Variants in SNX27 observed in about 807,000 individuals in gnomAD.
SNX27 encodes the protein sorting nexin 27.
SNX27 carries 22 observed loss-of-function variants against 71.6 expected under a neutral mutation model. The observed-to-expected ratio is 0.31, with a 90% CI of 0.22 to 0.44. The LOEUF (loss-of-function observed/expected upper bound fraction) is 0.44. Ranked by LOEUF, SNX27 falls within the 20% of genes least tolerant of loss-of-function variation. The pLI is 1.00. For synonymous variants in SNX27, 269 were observed against 277.2 expected, an observed-to-expected ratio of 0.97 and a Z score of 0.29; for missense variants, 531 against 698.6, an observed-to-expected ratio of 0.76 and a Z score of 2.70.
intron 7 of SNX27, chr1:151,677,195 A>C (rs1438313596): frequency 6.6e-6 from 1 of 151,538 alleles, no homozygotes; most frequent in Non-Finnish European, 1.5e-5. Context: ...ATTTTGTTAA[A>C]TTTATAGTTT....
chr1:151,623,034 A>G (rs539217569), intron 1 of SNX27, among the ~76,000 whole-genome samples: 1 of 151,934 alleles, frequency 6.6e-6, no homozygotes, highest in Admixed American at 6.6e-5. Flanking sequence ...GTGCAGTGGT[A>G]TGATCTCAGC....
chr1:151,682,699 CGAGA>C (rs1386169246), intron 7 of SNX27, among the ~76,000 whole-genome samples: 1 of 151,996 alleles, frequency 6.6e-6, no homozygotes, highest in African/African-American at 2.4e-5. Flanking sequence ...CACAAGGTGA[CGAGA>C]GAGAGAGCAC....
At position 151,612,252 on chromosome 1, in the gene SNX27, C is replaced by G. The variant is rs1320834643; in HGVS notation, c.51C>G (p.Asn17Lys). The G allele has an allele frequency of 1.4e-5, 20 of 1,440,528 alleles. No homozygotes were observed. Among genetic ancestry groups the G allele is most frequent in the Non-Finnish European group, 1.7e-5 (19 of 1,099,854 alleles). The allele number at this position is 1,440,528 out of a possible 1,614,324, so 89.2% of individuals were successfully genotyped here. Residue 17 changes from asparagine to lysine, a missense_variant, in exon 1 of 12, where the codon AAC (asparagine) becomes AAG (lysine). Physicochemically the swap from Asn to Lys is moderately conservative, Grantham distance 94. Transcript: ENST00000458013. This position sits in a 1 kb window ranked among gnomAD's most constrained non-coding sequence, Gnocchi z 5.2. ...EGIHPSAPHRNGGGGGGGGSG... is the reference protein window; with the variant it reads ...EGIHPSAPHRKGGGGGGGGSG... ...TTCATCCCTCAGCCCCTCACAGGAA[C>G]GGAGGTGGCGGCGGCGGCGGGGGGT...
In SNX27 at chr1:151,695,107, A is replaced by C. The variant is rs1257493238; in HGVS notation, c.*690A>C. The C allele has an allele frequency of 1.3e-5, 2 of 152,458 alleles. No individual in the cohort carries two copies. The highest frequency in any genetic ancestry group is 1.9e-4 in the East Asian group (1 of 5,176). The allele number at this position is 152,458 out of a possible 1,614,324, so 9.4% of individuals were successfully genotyped here. A position where few individuals can be genotyped will look rare whatever the true frequency, so the allele number is the denominator to read the frequency against. On this transcript the variant is annotated 3_prime_UTR_variant, in exon 12 of 12. Transcript: ENST00000458013. Reference sequence around the variant, plus strand: ...GTTGCCATAGAGTCTAGGAACAAGGAGTATAGTTTCTTTATCTTCCAAGAG... The same window carrying C: ...GTTGCCATAGAGTCTAGGAACAAGGCGTATAGTTTCTTTATCTTCCAAGAG...
At chr1:151,623,986 A>C (rs377375721) in intron 1 of SNX27, among the ~76,000 whole-genome samples, 2 of 152,196 alleles carry the variant, frequency 1.3e-5, no homozygotes, top group South Asian at 4.2e-4. Flanking sequence ...TTTAGAGACA[A>C]GGTATCACTC....
At chr1:151,680,016 A>G (rs1670866440) in intron 7 of SNX27, 2 of 152,280 alleles carry the variant, frequency 1.3e-5, no homozygotes, top group East Asian at 3.9e-4. Flanking sequence ...TGTTTTTATT[A>G]GGAGCCTTTT....
intron 2 of SNX27, among the ~76,000 whole-genome samples, chr1:151,641,124 T>G (rs923960198): frequency 1.3e-5 from 2 of 152,322 alleles, no homozygotes; most frequent in South Asian, 2.1e-4. Context: ...ATGTGGGTTG[T>G]TTGCAGTTTT....
At chr1:151,636,615 A>G (rs1219235201) in intron 1 of SNX27, among the ~76,000 whole-genome samples, 2 of 150,972 alleles carry the variant, frequency 1.3e-5, no homozygotes, top group Non-Finnish European at 2.9e-5. Flanking sequence ...CCTGTATCCA[A>G]GATATTAGTA....
intron 2 of SNX27, among the ~76,000 whole-genome samples, chr1:151,641,966 T>TATATATGAG (rs1558047111): frequency 9.2e-5 from 2 of 21,732 alleles, no homozygotes; most frequent in African/African-American, 3.1e-4. Flanking sequence ...ATATATGAGA[T>TATATATGAG]ATATATATAT....
At chr1:151,694,282 G>C in intron 11 of SNX27, 88 bp from the exon 12 acceptor site, 1 of 1,534,956 alleles carries the variant, frequency 6.5e-7, no homozygotes, top group South Asian at 1.2e-5. Flanking sequence ...AGTCATCCAG[G>C]CATACCTTTT....
rs977678538 is a variant in SNX27 at position 151,695,998 on chromosome 1, A to G, written c.*1581A>G. 3 of 152,308 alleles carry G rather than the reference A, an allele frequency of 2.0e-5. No individual in the cohort carries two copies. The highest frequency in any genetic ancestry group is 4.4e-5 in the Non-Finnish European group (3 of 68,112). 9.4% of individuals were successfully genotyped at this position (152,308 alleles called of 1,614,324 possible). On this transcript the variant is annotated 3_prime_UTR_variant, in exon 12 of 12. Transcript: ENST00000458013. ...TCTGTGCCAACCAAACGATAGCCCC[A>G]TCCAAGCCAGCTGAGAACCTAGGAA...
intron 1 of SNX27, among the ~76,000 whole-genome samples, chr1:151,623,307 A>AT (rs1358271058): frequency 2.0e-5 from 3 of 152,078 alleles, no homozygotes; most frequent in African/African-American, 7.2e-5. Context: ...TACTTGGCTA[A>AT]TTTTTTGTAT....
At chr1:151,618,605 T>G (rs1667535506) in intron 1 of SNX27, among the ~76,000 whole-genome samples, 1 of 152,244 alleles carries the variant, frequency 6.6e-6, no homozygotes, top group Admixed American at 6.5e-5. Flanking sequence ...TACCATGCTC[T>G]CAAAGATAAT....
intron 7 of SNX27, among the ~76,000 whole-genome samples, chr1:151,681,522 A>G (rs959644477): frequency 2.0e-5 from 3 of 152,138 alleles, no homozygotes; most frequent in East Asian, 1.9e-4. Flanking sequence ...GATTACAGGC[A>G]TGAGCCACCG....
chr1:151,689,339 C>G (rs1671333160), intron 8 of SNX27, among the ~76,000 whole-genome samples: 2 of 152,076 alleles, frequency 1.3e-5, no homozygotes, highest in Non-Finnish European at 2.9e-5. Flanking sequence ...TATATTTTTC[C>G]CTGCATCAGG....
chr1:151,640,011 A>G (rs901244393), intron 2 of SNX27, among the ~76,000 whole-genome samples: 1 of 152,228 alleles, frequency 6.6e-6, no homozygotes, highest in Non-Finnish European at 1.5e-5. Context: ...TATCCTCTGC[A>G]TAGGAACGAG....
intron 8 of SNX27, among the ~76,000 whole-genome samples, chr1:151,690,283 C>T (rs1435629169): frequency 6.6e-6 from 1 of 152,162 alleles, no homozygotes; most frequent in Non-Finnish European, 1.5e-5. Context: ...CTTTTTTCCC[C>T]TCAGGAGATT....
intron 1 of SNX27, among the ~76,000 whole-genome samples, chr1:151,621,374 T>C (rs1667667783): frequency 6.6e-6 from 1 of 152,214 alleles, no homozygotes; most frequent in African/African-American, 2.4e-5. Context: ...TGTATTTGAG[T>C]ACTCTTATGT....
At chr1:151,641,962 GAGAT>G (rs1668790225) in intron 2 of SNX27, among the ~76,000 whole-genome samples, 2 of 31,072 alleles carry the variant, frequency 6.4e-5, no homozygotes, top group Non-Finnish European at 1.1e-4. Flanking sequence ...AGATATATAT[GAGAT>G]ATATATATAT....
Sources: allele counts gnomAD v4.1 joint callset (sites outside exome capture counted in the v4.1 genomes callset), GRCh38; gene constraint gnomAD v4.1.1; non-coding constraint Gnocchi (gnomAD v3.1); transcripts MANE v1.5; gene names NCBI Gene and HGNC (gene_info 2026-07-23, HGNC 2026-07-21).